ULK4: variants seen among roughly 807,000 people sequenced by gnomAD.
ULK4 encodes the protein unc-51 like kinase 4, also known as inactive serine/threonine-protein kinase ULK4.
ULK4 carries 133 observed loss-of-function variants against 160.6 expected under a neutral mutation model. The ratio of observed to expected loss-of-function variants is 0.83; its 90% CI spans 0.72 to 0.96. The LOEUF is 0.96. Ranked by LOEUF, ULK4 falls within the 40% of genes least tolerant of loss-of-function variation. The pLI is 0.00. For missense variants in ULK4, 1,580 were observed against 1,499.5 expected (o/e 1.05, Z -0.89); for synonymous variants, 534 against 539.8 (o/e 0.99, Z 0.15).
intron 17 of ULK4, among the ~76,000 whole-genome samples, chr3:41,843,178 C>T (rs2041977476): frequency 6.6e-6 from 1 of 151,962 alleles, no homozygotes; most frequent in African/African-American, 2.4e-5. Context: ...GAATATGCAG[C>T]CACCAAATAA....
At chr3:41,393,116 C>T (rs1439925711) in intron 35 of ULK4, among the ~76,000 whole-genome samples, 4 of 152,160 alleles carry the variant, frequency 2.6e-5, no homozygotes, top group Admixed American at 6.6e-5. Context: ...AAAGTACTAA[C>T]ACGAGCTCCC....
chr3:41,619,699 T>TA (rs1245956108), intron 30 of ULK4, among the ~76,000 whole-genome samples: 2 of 151,366 alleles, frequency 1.3e-5, no homozygotes, highest in African/African-American at 2.4e-5. Flanking sequence ...ACATCATAAT[T>TA]AAAAAAAACT....
chr3:41,342,034 T>G (rs921906674), intron 35 of ULK4, among the ~76,000 whole-genome samples: 13 of 152,184 alleles, frequency 8.5e-5, no homozygotes, highest in African/African-American at 3.1e-4. Context: ...GTGAAAAAAT[T>G]TTAAATACAG....
At chr3:41,358,734 G>A (rs2081074511) in intron 35 of ULK4, among the ~76,000 whole-genome samples, 1 of 152,094 alleles carries the variant, frequency 6.6e-6, no homozygotes, top group Non-Finnish European at 1.5e-5. Context: ...GACTGCAGGG[G>A]CCTCAAAGAT....
intron 35 of ULK4, among the ~76,000 whole-genome samples, chr3:41,382,782 A>G (rs1446822193): frequency 1.3e-5 from 2 of 152,080 alleles, no homozygotes; most frequent in African/African-American, 4.8e-5. Context: ...TTATCTTTAT[A>G]TTTTTCTGTG....
At chr3:41,429,640 CG>C (rs1039770667) in intron 34 of ULK4, among the ~76,000 whole-genome samples, 2 of 151,384 alleles carry the variant, frequency 1.3e-5, no homozygotes, top group African/African-American at 4.9e-5. Flanking sequence ...AATGCAGGAA[CG>C]AAAAACCAAA....
At chr3:41,355,998 TC>T (rs1477760192) in intron 35 of ULK4, among the ~76,000 whole-genome samples, 1 of 152,230 alleles carries the variant, frequency 6.6e-6, no homozygotes, top group Non-Finnish European at 1.5e-5. Flanking sequence ...TCCCACAGCC[TC>T]TTTCAGATAA....
At chr3:41,663,721 A>G (rs1302342652) in intron 29 of ULK4, 22 bp from the exon 30 acceptor site, 1 of 1,596,574 alleles carries the variant, frequency 6.3e-7, no homozygotes, top group Middle Eastern at 1.7e-4. Flanking sequence ...AAGACATTTA[A>G]AAAATACTCA....
intron 32 of ULK4, among the ~76,000 whole-genome samples, chr3:41,526,201 A>T (rs1565960): frequency 6.6e-6 from 1 of 151,990 alleles, no homozygotes; most frequent in Non-Finnish European, 1.5e-5. Context: ...TTTTTCTCTT[A>T]TATTATTTGT....
chr3:41,849,965 C>G (rs1247000423), intron 17 of ULK4, among the ~76,000 whole-genome samples: 1 of 152,096 alleles, frequency 6.6e-6, no homozygotes, highest in Non-Finnish European at 1.5e-5. Flanking sequence ...CTTCCCCTCC[C>G]CGCACCCCAC....
intron 30 of ULK4, among the ~76,000 whole-genome samples, chr3:41,645,449 T>A (rs1379483901): frequency 1.3e-5 from 2 of 151,898 alleles, no homozygotes; most frequent in Non-Finnish European, 2.9e-5. Flanking sequence ...TTTCGTTATG[T>A]ACCCAGTAGT....
In ULK4 at chr3:41,681,546, G is replaced by A; in HGVS notation, c.2940C>T (p.Ser980=). 1 of 1,614,004 alleles carries A rather than the reference G, an allele frequency of 6.2e-7. No homozygotes were observed. The highest frequency in any genetic ancestry group is 8.5e-7 in the Non-Finnish European group (1 of 1,179,984). The change falls in exon 29 of 37, where the codon AGC becomes AGT. Residue 980 remains serine (S), a synonymous_variant. Coordinates refer to ENST00000301831, the MANE Select transcript of ULK4 (RefSeq NM_017886.4). ...GKEKASVDSD[S]NLLALIRDVL... is the part of the protein sequence containing the mutation. The stretch of plus-strand genomic sequence containing the variant: ...CATCTCGAATGAGAGCCAGAAGATT[G>A]CTGTCAGAATCAACACTGGCCTTCT...
chr3:41,473,126 G>A (rs1021599022), intron 32 of ULK4, among the ~76,000 whole-genome samples: 2 of 152,062 alleles, frequency 1.3e-5, no homozygotes, highest in Non-Finnish European at 2.9e-5. Flanking sequence ...ATAAGCATAG[G>A]TAACATTACA....
intron 2 of ULK4, among the ~76,000 whole-genome samples, chr3:41,944,448 T>C (rs1193892052): frequency 6.6e-6 from 1 of 152,042 alleles, no homozygotes; most frequent in African/African-American, 2.4e-5. Context: ...TAAAAAAACG[T>C]AATTTCAGAT....
intron 34 of ULK4, among the ~76,000 whole-genome samples, chr3:41,406,376 T>C (rs1270922478): frequency 2.0e-5 from 3 of 152,230 alleles, no homozygotes; most frequent in African/African-American, 4.8e-5. Flanking sequence ...TGTAATGTTA[T>C]AGTATAGTTT....
chr3:41,306,804 A>G (rs1259352923), intron 35 of ULK4, among the ~76,000 whole-genome samples: 3 of 151,844 alleles, frequency 2.0e-5, no homozygotes, highest in Non-Finnish European at 2.9e-5. Context: ...CTGTACTAAG[A>G]AAACTTCTTC....
intron 35 of ULK4, among the ~76,000 whole-genome samples, chr3:41,390,129 T>C (rs2081922641): frequency 6.6e-6 from 1 of 152,234 alleles, no homozygotes; most frequent in Non-Finnish European, 1.5e-5. Context: ...AATTCATCCA[T>C]TTCTTCTAGA....
intron 17 of ULK4, among the ~76,000 whole-genome samples, chr3:41,848,555 T>G (rs2042126562): frequency 6.6e-6 from 1 of 152,164 alleles, no homozygotes; most frequent in African/African-American, 2.4e-5. Flanking sequence ...ACACCTTTCC[T>G]CCTACAGTCT....
At chr3:41,389,597 G>A (rs899935999) in intron 35 of ULK4, among the ~76,000 whole-genome samples, 2 of 152,166 alleles carry the variant, frequency 1.3e-5, no homozygotes, top group Non-Finnish European at 2.9e-5. Flanking sequence ...GTTGAATTTT[G>A]TCAAAGGCCT....
Sources: allele counts gnomAD v4.1 joint callset (sites outside exome capture counted in the v4.1 genomes callset), GRCh38; gene constraint gnomAD v4.1.1; transcripts MANE v1.5; gene names NCBI Gene and HGNC (gene_info 2026-07-23, HGNC 2026-07-21).